The following C1GALT1 variants were observed in gnomAD, a reference collection of about 807,000 sequenced individuals.
C1GALT1 encodes the protein core 1 synthase, glycoprotein-N-acetylgalactosamine 3-beta-galactosyltransferase 1, also known as glycoprotein-N-acetylgalactosamine 3-beta-galactosyltransferase 1.
In C1GALT1, 11 loss-of-function variants were observed where a neutral mutation model predicts 31.0. The observed-to-expected ratio is 0.36, with a 90% CI of 0.22 to 0.59. C1GALT1 has a LOEUF of 0.59. Among genes scored for constraint, C1GALT1 ranks in the 20% least tolerant of loss-of-function variants. The pLI is 0.79. For missense variants in C1GALT1, 424 were observed against 425.2 expected (o/e 1.00, Z 0.03); for synonymous variants, 175 against 143.6 (o/e 1.22, Z -1.56).
intron 2 of C1GALT1, among the ~76,000 whole-genome samples, chr7:7,167,763 G>A (rs1780414107): frequency 6.6e-6 from 1 of 151,972 alleles, no homozygotes; most frequent in Non-Finnish European, 1.5e-5. Flanking sequence ...ACAGCGCCCA[G>A]TCCCTTATTC....
intron 1 of C1GALT1, among the ~76,000 whole-genome samples, chr7:7,193,092 C>G (rs1262903788): frequency 6.6e-6 from 1 of 151,950 alleles, no homozygotes; most frequent in Admixed American, 6.6e-5. Flanking sequence ...AAGATTTTCT[C>G]CACTCTGTGG....
chr7:7,202,787 G>C (rs748094201), intron 1 of C1GALT1, among the ~76,000 whole-genome samples: 2 of 152,148 alleles, frequency 1.3e-5, no homozygotes, highest in Non-Finnish European at 2.9e-5. Flanking sequence ...AGTAGGAACT[G>C]CATTGAATCT....
chr7:7,201,668 A>G (rs4724960), intron 1 of C1GALT1, among the ~76,000 whole-genome samples: 61,356 of 152,086 alleles, frequency 0.4, 13,078 homozygotes, highest in East Asian at 0.79. Context: ...TGCCACTCCC[A>G]AGGTGCCTCT....
At chr7:7,193,926 T>A (rs1223469074) in intron 1 of C1GALT1, among the ~76,000 whole-genome samples, 4 of 152,080 alleles carry the variant, frequency 2.6e-5, no homozygotes, top group African/African-American at 9.7e-5. Flanking sequence ...TTTATTTTTT[T>A]TTTGCAGACA....
At chr7:7,161,177 C>T (rs1269999067) in intron 2 of C1GALT1, among the ~76,000 whole-genome samples, 1 of 152,086 alleles carries the variant, frequency 6.6e-6, no homozygotes, top group African/African-American at 2.4e-5. Flanking sequence ...AACCATAGCT[C>T]TATTGACATG....
rs554704948 is a variant in C1GALT1, at chr7:7,238,442, C to G, written c.408C>G (p.Thr136=). Residue 136 remains threonine, a synonymous_variant, in exon 3 of 4, where the codon ACC becomes ACG. Transcript: ENST00000436587. The surrounding 1 kb of genome is among the most constrained non-coding windows in gnomAD (Gnocchi z 5.2). ...NKDFPAVGLK[T]KEGRDQLYWK... The stretch of plus-strand genomic sequence containing the variant: ...ACTTCCCTGCTGTGGGACTGAAAAC[C>G]AAAGAAGGCAGAGATCAACTATACT... The G allele has an allele frequency of 6.2e-7, 1 of 1,613,700 alleles. No homozygotes were observed. Among genetic ancestry groups the G allele is most frequent in the South Asian group, 1.1e-5 (1 of 91,020 alleles).
chr7:7,234,028 A>G (rs1038017461), intron 1 of C1GALT1, among the ~76,000 whole-genome samples: 1 of 152,172 alleles, frequency 6.6e-6, no homozygotes, highest in East Asian at 1.9e-4. Context: ...GGATCCACAA[A>G]GGATCCTGGT....
At chr7:7,207,179 C>T (rs1186537146) in intron 1 of C1GALT1, among the ~76,000 whole-genome samples, 3 of 151,974 alleles carry the variant, frequency 2.0e-5, no homozygotes, top group Non-Finnish European at 4.4e-5. Context: ...CAATTGTTCT[C>T]TCTTCAAGTT....
chr7:7,207,909 G>T (rs1781823767), intron 1 of C1GALT1, among the ~76,000 whole-genome samples: 1 of 151,868 alleles, frequency 6.6e-6, no homozygotes, highest in Non-Finnish European at 1.5e-5. Flanking sequence ...TAATACAATA[G>T]TCCCTCTTTA....
At chr7:7,159,443 G>A (rs1259280950) in intron 2 of C1GALT1, among the ~76,000 whole-genome samples, 1 of 151,996 alleles carries the variant, frequency 6.6e-6, no homozygotes, top group African/African-American at 2.4e-5. Flanking sequence ...GGAGGGGGAG[G>A]AGGAAATAGA....
Position 7,244,072 on chromosome 7 carries a change from T to C in C1GALT1, c.*345T>C. On this transcript the variant is annotated 3_prime_UTR_variant, in exon 4 of 4. Transcript: ENST00000436587. ...ACTAAAATAGTAAATTTACTAAAACTACACTGCACCATGTTAGTAATAAAC... is the reference window on the plus strand; with the variant it reads ...ACTAAAATAGTAAATTTACTAAAACCACACTGCACCATGTTAGTAATAAAC... 1 of 166,452 alleles carries C rather than the reference T, an allele frequency of 6.0e-6. No homozygotes were observed. The highest frequency in any genetic ancestry group is 1.3e-5 in the Non-Finnish European group (1 of 77,064). 10.3% of individuals were successfully genotyped at this position (166,452 alleles called of 1,614,324 possible). A position where few individuals can be genotyped will look rare whatever the true frequency, so the allele number is the denominator to read the frequency against.
At chr7:7,229,985 T>C (rs1169223880) in intron 1 of C1GALT1, among the ~76,000 whole-genome samples, 1 of 152,166 alleles carries the variant, frequency 6.6e-6, no homozygotes, top group African/African-American at 2.4e-5. Flanking sequence ...TTTCAGATGG[T>C]TAATTTACAT....
upstream of C1GALT1, among the ~76,000 whole-genome samples, chr7:7,178,937 G>A (rs1780538188): frequency 6.6e-6 from 1 of 152,132 alleles, no homozygotes; most frequent in South Asian, 2.1e-4. Flanking sequence ...TTAGCTGAAT[G>A]GTTCTGTCTC....
At chr7:7,237,422 C>T (rs1054964025) in intron 2 of C1GALT1, among the ~76,000 whole-genome samples, 2 of 152,206 alleles carry the variant, frequency 1.3e-5, no homozygotes, top group African/African-American at 4.8e-5. Context: ...CAGTTTTAAG[C>T]TCACTGCTTA....
At chr7:7,158,277 G>A (rs118058583) in intron 2 of C1GALT1, among the ~76,000 whole-genome samples, 1 of 152,068 alleles carries the variant, frequency 6.6e-6, no homozygotes, top group Admixed American at 6.5e-5. Flanking sequence ...TCTACTGCAG[G>A]GCTCTATACC....
At chr7:7,227,083 G>A (rs1015033129) in intron 1 of C1GALT1, among the ~76,000 whole-genome samples, 1 of 152,010 alleles carries the variant, frequency 6.6e-6, no homozygotes, top group African/African-American at 2.4e-5. Flanking sequence ...ATTTTTAGAG[G>A]GATCCTTTAG....
chr7:7,191,356 G>A (rs569295739), intron 1 of C1GALT1, among the ~76,000 whole-genome samples: 2 of 152,216 alleles, frequency 1.3e-5, no homozygotes, highest in African/African-American at 4.8e-5. Context: ...TCCATTGTAT[G>A]TAAATACATT....
At chr7:7,219,221 T>C (rs1339364190) in intron 1 of C1GALT1, among the ~76,000 whole-genome samples, 2 of 152,200 alleles carry the variant, frequency 1.3e-5, no homozygotes, top group East Asian at 1.9e-4. Context: ...AGTTTATACA[T>C]AGGCTTTTAG....
At chr7:7,180,369 A>C (rs1216182787), upstream of C1GALT1, among the ~76,000 whole-genome samples, 1 of 152,260 alleles carries the variant, frequency 6.6e-6, no homozygotes, top group African/African-American at 2.4e-5. Flanking sequence ...AAGCCTATGG[A>C]TAAGAATGTT....
Sources: allele counts gnomAD v4.1 joint callset (sites outside exome capture counted in the v4.1 genomes callset), GRCh38; gene constraint gnomAD v4.1.1; non-coding constraint Gnocchi (gnomAD v3.1); transcripts MANE v1.5; gene names NCBI Gene and HGNC (gene_info 2026-07-23, HGNC 2026-07-21).